PTPRG: variants seen among roughly 807,000 people sequenced by gnomAD.
PTPRG encodes receptor-type tyrosine-protein phosphatase gamma.
Under a neutral mutation model 165.3 loss-of-function variants are expected in PTPRG, and 102 were observed. That is an observed-to-expected ratio of 0.62 (90% confidence interval 0.53 to 0.73). PTPRG has a LOEUF of 0.73. Ranked by LOEUF, PTPRG falls within the 30% of genes least tolerant of loss-of-function variation. PTPRG has a pLI of 0.00. For missense variants in PTPRG, 1,866 were observed against 1,861.4 expected (o/e 1.00, Z -0.05); for synonymous variants, 675 against 669.5 (o/e 1.01, Z -0.13).
chr3:61,643,327 C>G (rs1702116592), intron 1 of PTPRG, among the ~76,000 whole-genome samples: 1 of 152,016 alleles, frequency 6.6e-6, no homozygotes, highest in African/African-American at 2.4e-5. Context: ...GACATACCAA[C>G]TGATCTCCAT....
At chr3:61,906,263 G>T (rs910903445) in intron 2 of PTPRG, among the ~76,000 whole-genome samples, 3 of 151,104 alleles carry the variant, frequency 2.0e-5, no homozygotes, top group African/African-American at 7.3e-5. Flanking sequence ...GACCAGTCTG[G>T]CCAACATAAT....
chr3:61,718,458 A>T (rs1169209556), intron 1 of PTPRG, among the ~76,000 whole-genome samples: 1 of 152,162 alleles, frequency 6.6e-6, no homozygotes, highest in Non-Finnish European at 1.5e-5. Flanking sequence ...TCAGCGGGTT[A>T]AAAGACTACA....
intron 9 of PTPRG, among the ~76,000 whole-genome samples, chr3:62,194,233 G>A (rs1439571662): frequency 6.6e-6 from 1 of 152,192 alleles, no homozygotes; most frequent in Non-Finnish European, 1.5e-5. Context: ...GCCACAGCTT[G>A]CCAACACCCC....
rs370087971 is a variant in PTPRG, at chr3:62,273,885, A to C, written c.3465+41A>C. 3.1e-5 allele frequency: 50 copies of C among 1,595,752 alleles called. No homozygotes were observed. In the African/African-American group the frequency reaches 5.8e-4, roughly 18 times the overall value. The stretch of plus-strand genomic sequence containing the variant: ...AGTTTCTTTGGCATAAAGCAAGAAA[A>C]TGTTTTAAATGCCTTGAGTTTGGGG... On this transcript the variant is annotated intron_variant, in intron 23 of 29. Coordinates refer to ENST00000474889, the MANE Select transcript of PTPRG (RefSeq NM_002841.4). The surrounding 1 kb of genome is among the most constrained non-coding windows in gnomAD (Gnocchi z 4.1).
chr3:61,572,816 C>T (rs187831062), intron 1 of PTPRG, among the ~76,000 whole-genome samples: 2 of 152,264 alleles, frequency 1.3e-5, no homozygotes, highest in East Asian at 1.9e-4. Flanking sequence ...CACACCTGTC[C>T]CGTAGTGGTT....
chr3:62,108,690 A>T (rs1702560872), intron 5 of PTPRG, among the ~76,000 whole-genome samples: 1 of 152,130 alleles, frequency 6.6e-6, no homozygotes, highest in Non-Finnish European at 1.5e-5. Flanking sequence ...ATTTCTCCAC[A>T]TCCTCTCCAG....
chr3:62,063,940 C>A (rs938920376), intron 4 of PTPRG, among the ~76,000 whole-genome samples: 1 of 152,114 alleles, frequency 6.6e-6, no homozygotes, highest in Non-Finnish European at 1.5e-5. Flanking sequence ...TTACACCCTG[C>A]GTGATGTGGA....
intron 5 of PTPRG, among the ~76,000 whole-genome samples, chr3:62,131,520 A>G (rs2106923970): frequency 6.6e-6 from 1 of 152,304 alleles, no homozygotes; most frequent in African/African-American, 2.4e-5. Flanking sequence ...TTGACCTGAA[A>G]ACATCAAATT....
rs1199514400 is a variant in PTPRG at position 61,726,972 on chromosome 3, G to A, written c.86-21906G>A. On this transcript the variant is annotated intron_variant, in intron 1 of 29. Coordinates refer to ENST00000474889, the MANE Select transcript of PTPRG (RefSeq NM_002841.4). ...TGAGACAGGAGAATGGCGTGAACCC[G>A]GGAGGCGGAGCTTGCAGTGAGCCGA... Among the ~76,000 whole-genome samples the A allele has an allele frequency of 4.0e-5, 6 of 151,898 alleles. No homozygotes were observed. In the South Asian group the frequency reaches 6.2e-4, roughly 16 times the overall value.
chr3:62,067,191 CAG>C lies in PTPRG; in HGVS notation c.520-10971_520-10970del, dbSNP rs1701044915. Among the ~76,000 whole-genome samples, 6 of 151,788 alleles carry C rather than the reference CAG, an allele frequency of 4.0e-5. 1 individual carries two copies. In the South Asian group the frequency reaches 1.0e-3, roughly 26 times the overall value. On this transcript the variant is annotated intron_variant, in intron 4 of 29. Coordinates refer to ENST00000474889, the MANE Select transcript of PTPRG (RefSeq NM_002841.4). ...GCCCACTGATAATGTTTCATGTTGACAGGGGGTGTAGGACAGGGTTTCTGCAT... is the reference window on the plus strand; with the variant it reads ...GCCCACTGATAATGTTTCATGTTGACGGGGTGTAGGACAGGGTTTCTGCAT...
chr3:62,011,242 C>G (rs1298019980), intron 4 of PTPRG, among the ~76,000 whole-genome samples: 2 of 152,244 alleles, frequency 1.3e-5, no homozygotes, highest in African/African-American at 2.4e-5. Flanking sequence ...CATATTTAGG[C>G]AAGCTCCCTG....
chr3:61,805,824 GT>G (rs1309350366), intron 2 of PTPRG, among the ~76,000 whole-genome samples: 3 of 152,194 alleles, frequency 2.0e-5, no homozygotes, highest in African/African-American at 7.2e-5. Context: ...TTTTTTTAGT[GT>G]AATGTGATTT....
intron 2 of PTPRG, among the ~76,000 whole-genome samples, chr3:61,831,921 TAAAAG>T (rs1265299848): frequency 6.6e-6 from 1 of 152,172 alleles, no homozygotes; most frequent in African/African-American, 2.4e-5. Flanking sequence ...AAAAATTACT[TAAAAG>T]AGAATAAACA....
intron 1 of PTPRG, among the ~76,000 whole-genome samples, chr3:61,704,188 T>C (rs1559564971): frequency 6.6e-6 from 1 of 152,292 alleles, no homozygotes; most frequent in East Asian, 1.9e-4. Flanking sequence ...GTTCTGGAGG[T>C]AGACGGCCAG....
chr3:61,712,859 C>T (rs997947048), intron 1 of PTPRG, among the ~76,000 whole-genome samples: 21 of 152,166 alleles, frequency 1.4e-4, no homozygotes, highest in African/African-American at 5.1e-4. Flanking sequence ...ATAGCAGCTT[C>T]TGCATATGAC....
At chr3:61,893,390 C>G (rs976521699) in intron 2 of PTPRG, among the ~76,000 whole-genome samples, 1 of 152,128 alleles carries the variant, frequency 6.6e-6, no homozygotes, top group Non-Finnish European at 1.5e-5. Flanking sequence ...ATAAGAACCC[C>G]ATAAGGTAGT....
At chr3:61,874,305 A>G (rs1410967219) in intron 2 of PTPRG, among the ~76,000 whole-genome samples, 1 of 152,182 alleles carries the variant, frequency 6.6e-6, no homozygotes, top group African/African-American at 2.4e-5. Flanking sequence ...TCATGCTCTC[A>G]TGGTTGACCA....
intron 3 of PTPRG, among the ~76,000 whole-genome samples, chr3:61,995,425 C>A (rs771588319): frequency 1.4e-4 from 21 of 152,112 alleles, no homozygotes; most frequent in Non-Finnish European, 2.4e-4. Flanking sequence ...TTCATGATGT[C>A]TGATTTCCCT....
Position 62,237,517 on chromosome 3 carries a change from C to T in PTPRG, c.2375+6206C>T, listed in dbSNP as rs1010359615. Among the ~76,000 whole-genome samples, 3 of 152,218 alleles carry T rather than the reference C, an allele frequency of 2.0e-5. No individual in the cohort carries two copies. Among genetic ancestry groups the T allele is most frequent in the South Asian group, 2.1e-4 (1 of 4,820 alleles). On this transcript the variant is annotated intron_variant, in intron 14 of 29. Transcript: ENST00000474889. The surrounding 1 kb of genome is among the most constrained non-coding windows in gnomAD (Gnocchi z 4.5). ...CTTGACGTTGACAGCTGATACTGGC[C>T]GATGTGTTTCACATCCTGACTAAAA...
Sources: gnomAD v4.1 joint callset for allele counts (sites outside exome capture counted in the v4.1 genomes callset) on GRCh38, gnomAD v4.1.1 for gene constraint, Gnocchi (gnomAD v3.1) non-coding constraint, MANE v1.5 for transcripts, NCBI Gene and HGNC (gene_info 2026-07-23, HGNC 2026-07-21) for gene names.